The following PLCB1 variants were observed in gnomAD, a reference collection of about 807,000 sequenced individuals.
PLCB1 encodes 1-phosphatidylinositol 4,5-bisphosphate phosphodiesterase beta-1.
In PLCB1, 46 loss-of-function variants were observed where a neutral mutation model predicts 161.8. The ratio of observed to expected loss-of-function variants is 0.28; its 90% CI spans 0.22 to 0.36. The LOEUF is 0.36. Among genes scored for constraint, PLCB1 ranks in the 10% least tolerant of loss-of-function variants. The probability of loss-of-function intolerance (pLI) is 1.00; values close to 1 mark genes in which losing one functional copy is unlikely to be tolerated. For missense variants in PLCB1, 1,016 were observed against 1,472.5 expected (o/e 0.69, Z 5.07); for synonymous variants, 517 against 503.7 (o/e 1.03, Z -0.35).
chr20:8,407,866 GAC>G (rs1365098180), intron 3 of PLCB1, among the ~76,000 whole-genome samples: 1 of 151,968 alleles, frequency 6.6e-6, no homozygotes, highest in Non-Finnish European at 1.5e-5. Context: ...AAAATCATCA[GAC>G]AAATCCAGAT....
chr20:8,615,359 C>T (rs1462915463), intron 3 of PLCB1, among the ~76,000 whole-genome samples: 1 of 152,190 alleles, frequency 6.6e-6, no homozygotes, highest in African/African-American at 2.4e-5. Context: ...CCATCTAATA[C>T]ATCACGCTTT....
chr20:8,666,585 G>A (rs546291762), intron 9 of PLCB1, among the ~76,000 whole-genome samples: 2 of 152,320 alleles, frequency 1.3e-5, no homozygotes, highest in Admixed American at 1.3e-4. Flanking sequence ...CAGTTTATTA[G>A]AAGAGGCAGT....
chr20:8,874,616 T>C (rs1987715873), intron 31 of PLCB1, among the ~76,000 whole-genome samples: 1 of 152,036 alleles, frequency 6.6e-6, no homozygotes, highest in Non-Finnish European at 1.5e-5. Context: ...GGGTGAAATG[T>C]CATGATGCCT....
intron 2 of PLCB1, among the ~76,000 whole-genome samples, chr20:8,336,652 C>T (rs1440004417): frequency 6.6e-6 from 1 of 152,102 alleles, no homozygotes; most frequent in Non-Finnish European, 1.5e-5. Flanking sequence ...GAATAGGTGT[C>T]TAGCTTAACA....
intron 2 of PLCB1, among the ~76,000 whole-genome samples, chr20:8,241,378 C>G (rs1980603197): frequency 6.6e-6 from 1 of 151,914 alleles, no homozygotes; most frequent in South Asian, 2.1e-4. Context: ...TTTGGGTCCT[C>G]TTTCTCTCTT....
chr20:8,619,857 T>C (rs1362260273), intron 3 of PLCB1, among the ~76,000 whole-genome samples: 1 of 152,236 alleles, frequency 6.6e-6, no homozygotes, highest in Non-Finnish European at 1.5e-5. Context: ...CACACAAATA[T>C]ACATACTGAT....
intron 2 of PLCB1, among the ~76,000 whole-genome samples, chr20:8,203,415 G>A (rs987636681): frequency 2.6e-5 from 4 of 152,122 alleles, no homozygotes; most frequent in African/African-American, 9.7e-5. Flanking sequence ...TTCCAGTGTA[G>A]TGATGAAAAG....
intron 26 of PLCB1, among the ~76,000 whole-genome samples, chr20:8,768,510 G>C (rs1982491035): frequency 6.6e-6 from 1 of 152,202 alleles, no homozygotes; most frequent in Admixed American, 6.5e-5. Context: ...GTTCTGGGCA[G>C]AACCTGAAGT....
At chr20:8,348,361 C>G (rs1986064013) in intron 2 of PLCB1, among the ~76,000 whole-genome samples, 1 of 152,192 alleles carries the variant, frequency 6.6e-6, no homozygotes, top group African/African-American at 2.4e-5. Context: ...TTATACTTCC[C>G]AAAGTCCCTT....
intron 2 of PLCB1, among the ~76,000 whole-genome samples, chr20:8,235,184 T>G (rs1339554017): frequency 6.6e-6 from 1 of 152,138 alleles, no homozygotes; most frequent in Non-Finnish European, 1.5e-5. Context: ...TCCAGCCATT[T>G]AGAGATATAT....
chr20:8,324,121 A>G (rs1315852134), intron 2 of PLCB1, among the ~76,000 whole-genome samples: 1 of 152,050 alleles, frequency 6.6e-6, no homozygotes, highest in African/African-American at 2.4e-5. Flanking sequence ...GACTACTGTG[A>G]TTAATACAGG....
intron 3 of PLCB1, among the ~76,000 whole-genome samples, chr20:8,380,085 T>C (rs1987213989): frequency 6.6e-6 from 1 of 152,234 alleles, no homozygotes. Flanking sequence ...TCCAGGGATT[T>C]TTATGGTTTT....
intron 10 of PLCB1, among the ~76,000 whole-genome samples, chr20:8,689,799 G>T (rs1990433725): frequency 6.6e-6 from 1 of 150,614 alleles, no homozygotes; most frequent in Non-Finnish European, 1.5e-5. Flanking sequence ...GTTAAACACA[G>T]ATGTGGTAAA....
At chr20:8,261,546 A>G (rs998420943) in intron 2 of PLCB1, among the ~76,000 whole-genome samples, 9 of 152,162 alleles carry the variant, frequency 5.9e-5, no homozygotes, top group Admixed American at 3.3e-4. Flanking sequence ...ACGTGAAATG[A>G]ACGTGATCTT....
At chr20:8,234,732 A>C (rs148616665) in intron 2 of PLCB1, among the ~76,000 whole-genome samples, 4 of 152,146 alleles carry the variant, frequency 2.6e-5, no homozygotes, top group Admixed American at 2.0e-4. Context: ...ATGGTTGATA[A>C]ATTGTTTTAG....
chr20:8,615,930 T>C (rs1988029118), intron 3 of PLCB1, among the ~76,000 whole-genome samples: 1 of 152,110 alleles, frequency 6.6e-6, no homozygotes, highest in African/African-American at 2.4e-5. Flanking sequence ...ATCATAATCA[T>C]ACCCTGTACT....
At chr20:8,203,555 G>A (rs1329574541) in intron 2 of PLCB1, among the ~76,000 whole-genome samples, 2 of 152,004 alleles carry the variant, frequency 1.3e-5, no homozygotes, top group Non-Finnish European at 2.9e-5. Context: ...ATGTCACCAG[G>A]CCGGGGGTGG....
At chr20:8,799,183 G>T (rs951448275) in intron 31 of PLCB1, among the ~76,000 whole-genome samples, 1 of 152,150 alleles carries the variant, frequency 6.6e-6, no homozygotes, top group Non-Finnish European at 1.5e-5. Flanking sequence ...TTGAGGATGA[G>T]AAAATGTGGA....
chr20:8,204,755 C>A (rs1978439292), intron 2 of PLCB1, among the ~76,000 whole-genome samples: 1 of 152,112 alleles, frequency 6.6e-6, no homozygotes, highest in Admixed American at 6.6e-5. Flanking sequence ...TCAGGTATTT[C>A]TTTATAGCAA....
Sources: allele counts gnomAD v4.1 joint callset (sites outside exome capture counted in the v4.1 genomes callset), GRCh38; gene constraint gnomAD v4.1.1; transcripts MANE v1.5; gene names NCBI Gene and HGNC (gene_info 2026-07-23, HGNC 2026-07-21).